The following LYPLAL1 variants were observed in gnomAD, a reference collection of about 807,000 sequenced individuals.
LYPLAL1 encodes the protein lysophospholipase-like protein 1.
In LYPLAL1, 23 loss-of-function variants were observed where a neutral mutation model predicts 19.7. The observed-to-expected ratio is 1.17, with a 90% CI of 0.84 to 1.65. The LOEUF is 1.65. Among genes scored for constraint, LYPLAL1 ranks in the 40% most tolerant of loss-of-function variants. LYPLAL1 has a pLI of 0.00. For missense variants in LYPLAL1, 355 were observed against 279.4 expected (o/e 1.27, Z -1.93); for synonymous variants, 119 against 96.3 (o/e 1.24, Z -1.38).
chr1:219,245,173 ATCCC>A, the LYPLAL1 span, among the ~76,000 whole-genome samples: 11 of 94,580 alleles, frequency 1.2e-4, no homozygotes, highest in Admixed American at 1.2e-3. Context: ...TCCCTCTTCC[ATCCC>A]TTCCTTCCTT....
chr1:219,274,297 A>G, the LYPLAL1 span, among the ~76,000 whole-genome samples: 11 of 152,358 alleles, frequency 7.2e-5, no homozygotes, highest in South Asian at 2.1e-3. Context: ...CAGGGGTTAG[A>G]AGGCGTGCAA....
the LYPLAL1 span, among the ~76,000 whole-genome samples, chr1:219,392,755 C>A: frequency 9.2e-5 from 14 of 152,068 alleles, no homozygotes; most frequent in African/African-American, 4.8e-5. Flanking sequence ...CCCAGATGAA[C>A]TTTGGAAACA....
At chr1:219,431,144 G>C in the LYPLAL1 span, among the ~76,000 whole-genome samples, 1 of 152,198 alleles carries the variant, frequency 6.6e-6, no homozygotes, top group Non-Finnish European at 1.5e-5. Context: ...GACTGCAATG[G>C]AGAATGGTTC....
the LYPLAL1 span, among the ~76,000 whole-genome samples, chr1:219,240,429 C>T: frequency 1.3e-5 from 2 of 151,950 alleles, no homozygotes; most frequent in African/African-American, 2.4e-5. Context: ...AATAAAATTC[C>T]ATTGCATAAT....
the LYPLAL1 span, among the ~76,000 whole-genome samples, chr1:219,439,625 T>C: frequency 1.6e-4 from 25 of 152,084 alleles, no homozygotes; most frequent in African/African-American, 5.3e-4. Flanking sequence ...ACTCCTAGGA[T>C]TGGGCCACAC....
At chr1:219,433,513 G>A in the LYPLAL1 span, among the ~76,000 whole-genome samples, 1 of 152,298 alleles carries the variant, frequency 6.6e-6, no homozygotes, top group Non-Finnish European at 1.5e-5. Context: ...ACTGTGTGCT[G>A]GAGACCAGAA....
the LYPLAL1 span, among the ~76,000 whole-genome samples, chr1:219,229,635 A>G: frequency 6.6e-6 from 1 of 152,210 alleles, no homozygotes; most frequent in Non-Finnish European, 1.5e-5. Flanking sequence ...AAACTAAAAG[A>G]GCACACTGTA....
At chr1:219,215,490 G>A (rs1659260971), downstream of LYPLAL1, among the ~76,000 whole-genome samples, 1 of 152,030 alleles carries the variant, frequency 6.6e-6, no homozygotes, top group African/African-American at 2.4e-5. Context: ...TTTGTGGGTG[G>A]TTCTTTCCCC....
At chr1:219,265,355 A>C in the LYPLAL1 span, among the ~76,000 whole-genome samples, 1 of 152,226 alleles carries the variant, frequency 6.6e-6, no homozygotes, top group Admixed American at 6.5e-5. Context: ...TTGCTCCTAC[A>C]TTAAGGCATT....
the LYPLAL1 span, among the ~76,000 whole-genome samples, chr1:219,419,594 C>CGCACACACACAGAGAGAG: frequency 4.0e-5 from 4 of 99,530 alleles, no homozygotes; most frequent in African/African-American, 1.6e-4. Context: ...CACACACACA[C>CGCACACACACAGAGAGAG]AGAGAGAGAG....
the LYPLAL1 span, among the ~76,000 whole-genome samples, chr1:219,276,265 A>G: frequency 6.6e-6 from 1 of 152,064 alleles, no homozygotes; most frequent in Non-Finnish European, 1.5e-5. Context: ...TTGCTAATTC[A>G]TTGCTTCAGG....
At chr1:219,320,832 G>A in the LYPLAL1 span, among the ~76,000 whole-genome samples, 3 of 152,178 alleles carry the variant, frequency 2.0e-5, no homozygotes, top group South Asian at 4.1e-4. Context: ...TCTTAATCCA[G>A]TCTATCATTG....
chr1:219,426,036 T>C, the LYPLAL1 span, among the ~76,000 whole-genome samples: 1 of 152,212 alleles, frequency 6.6e-6, no homozygotes, highest in Admixed American at 6.5e-5. Flanking sequence ...ATCCACACGG[T>C]AGAGACTTCA....
chr1:219,419,594 C>CACACACACAGAGAGAGAGAG, the LYPLAL1 span, among the ~76,000 whole-genome samples: 1 of 99,602 alleles, frequency 1.0e-5, no homozygotes, highest in African/African-American at 4.0e-5. Context: ...CACACACACA[C>CACACACACAGAGAGAGAGAG]AGAGAGAGAG....
At chr1:219,380,975 G>A in the LYPLAL1 span, among the ~76,000 whole-genome samples, 15,522 of 152,166 alleles carry the variant, frequency 0.1, 838 homozygotes, top group Middle Eastern at 0.12. Context: ...AGAAACAAAT[G>A]TCAGATCAAA....
chr1:219,210,931 A>T (rs1168112296), intron 4 of LYPLAL1, among the ~76,000 whole-genome samples: 1 of 152,160 alleles, frequency 6.6e-6, no homozygotes, highest in Admixed American at 6.6e-5. Context: ...TGTAAATTTT[A>T]TACATATTAA....
the LYPLAL1 span, among the ~76,000 whole-genome samples, chr1:219,289,601 T>G: frequency 2.0e-5 from 3 of 152,134 alleles, no homozygotes; most frequent in Admixed American, 2.0e-4. Flanking sequence ...GAAAGAAGTA[T>G]GGTTTTCAGT....
the LYPLAL1 span, among the ~76,000 whole-genome samples, chr1:219,322,796 T>C: frequency 1.3e-5 from 2 of 152,190 alleles, no homozygotes; most frequent in Non-Finnish European, 2.9e-5. Flanking sequence ...TGAGCATCAA[T>C]GTGTGTTCAA....
At chr1:219,329,092 G>A in the LYPLAL1 span, among the ~76,000 whole-genome samples, 2 of 147,520 alleles carry the variant, frequency 1.4e-5, no homozygotes, top group Non-Finnish European at 3.0e-5. Flanking sequence ...CTCCATTTTT[G>A]TAGTTCAACA....
Sources: gnomAD v4.1 joint callset for allele counts (sites outside exome capture counted in the v4.1 genomes callset) on GRCh38, gnomAD v4.1.1 for gene constraint, MANE v1.5 for transcripts, NCBI Gene and HGNC (gene_info 2026-07-23, HGNC 2026-07-21) for gene names.